Variants in NPSR1 observed in about 807,000 individuals in gnomAD.
NPSR1 encodes the protein neuropeptide S receptor 1, also known as neuropeptide S receptor.
A neutral mutation model predicts 46.9 loss-of-function variants in NPSR1; 48 were observed. That is an observed-to-expected ratio of 1.02 (90% CI 0.81 to 1.30). The LOEUF (loss-of-function observed/expected upper bound fraction) is 1.30, where lower values mean the gene tolerates loss of function less well. Ranked by LOEUF, NPSR1 falls within the 50% of genes most tolerant of loss-of-function variation. The pLI, the probability that NPSR1 is intolerant of heterozygous loss-of-function variation, is 0.00. For synonymous variants in NPSR1, 176 were observed against 168.1 expected, an observed-to-expected ratio of 1.05 and a Z score of -0.36; for missense variants, 450 against 449.5, an observed-to-expected ratio of 1.00 and a Z score of -0.01.
chr7:34,747,052 G>T (rs1015797441), intron 2 of NPSR1, among the ~76,000 whole-genome samples: 1 of 151,186 alleles, frequency 6.6e-6, no homozygotes, highest in African/African-American at 2.4e-5. Flanking sequence ...TTGAACCTGG[G>T]AGGTGGAGGT....
At chr7:34,768,797 G>A (rs768477596) in intron 2 of NPSR1, among the ~76,000 whole-genome samples, 1 of 152,152 alleles carries the variant, frequency 6.6e-6, no homozygotes, top group African/African-American at 2.4e-5. Context: ...CCAAATAATA[G>A]TAAGAATACA....
intron 2 of NPSR1, chr7:34,750,964 T>A: frequency 1.3e-6 from 1 of 764,080 alleles, no homozygotes; most frequent in Non-Finnish European, 2.4e-6. Flanking sequence ...GGAAGGAGAC[T>A]ATAGATTGCA....
At chr7:34,749,767 G>A (rs1233858931) in intron 2 of NPSR1, among the ~76,000 whole-genome samples, 10 of 152,308 alleles carry the variant, frequency 6.6e-5, no homozygotes, top group Middle Eastern at 3.4e-3. Context: ...GAAGGTTTCC[G>A]TCATATTCCA....
At chr7:34,794,212 G>A (rs1788071652) in intron 3 of NPSR1, among the ~76,000 whole-genome samples, 2 of 152,066 alleles carry the variant, frequency 1.3e-5, no homozygotes, top group Non-Finnish European at 2.9e-5. Flanking sequence ...ATAACTTGAA[G>A]AAAGGATTTT....
intron 2 of NPSR1, among the ~76,000 whole-genome samples, chr7:34,731,265 G>A (rs1784405023): frequency 6.6e-6 from 1 of 151,720 alleles, no homozygotes; most frequent in African/African-American, 2.4e-5. Context: ...CTTAATACAA[G>A]AATAAATACA....
At chr7:34,774,143 A>G (rs771454249) in intron 2 of NPSR1, among the ~76,000 whole-genome samples, 34 of 152,176 alleles carry the variant, frequency 2.2e-4, no homozygotes, top group Non-Finnish European at 3.5e-4. Context: ...TTCCTTCTCC[A>G]CTGTCTTCCA....
In NPSR1 at chr7:34,809,236, AT is replaced by A. The variant is rs966419222; in HGVS notation, c.385-2524del. Among the ~76,000 whole-genome samples the A allele has an allele frequency of 1.2e-3, 177 of 149,444 alleles. 1 individual carries two copies. Among genetic ancestry groups the A allele is most frequent in the Middle Eastern group, 3.4e-3 (1 of 290 alleles). ...CCAGTTTTGTCTAAGTAGACGATCG[AT>A]TTTTTTTTTCTTAAAGCTAGTCTTC... On this transcript the variant is annotated intron_variant, in intron 3 of 8. Coordinates refer to ENST00000360581, the MANE Select transcript of NPSR1 (RefSeq NM_207172.2).
intron 2 of NPSR1, among the ~76,000 whole-genome samples, chr7:34,727,250 A>ACC (rs1375079108): frequency 2.6e-5 from 4 of 152,120 alleles, no homozygotes; most frequent in Non-Finnish European, 4.4e-5. Context: ...GATCAAAAGG[A>ACC]GTGGAGGCTA....
chr7:34,697,507 G>A (rs323909), intron 2 of NPSR1, among the ~76,000 whole-genome samples: 18,350 of 151,762 alleles, frequency 0.12, 1,181 homozygotes, highest in Middle Eastern at 0.18. Context: ...AAAATTCGAG[G>A]ATGCTTAAGT....
intron 2 of NPSR1, among the ~76,000 whole-genome samples, chr7:34,717,026 G>C (rs550252627): frequency 1.3e-5 from 2 of 152,086 alleles, no homozygotes; most frequent in African/African-American, 4.8e-5. Context: ...TCACTGCCAG[G>C]GATATTTTAC....
chr7:34,658,566 T>G lies in NPSR1; in HGVS notation c.147+7T>G, dbSNP rs369263037. On this transcript the variant is annotated splice_region_variant and intron_variant, in intron 1 of 8. Coordinates refer to ENST00000360581, the MANE Select transcript of NPSR1 (RefSeq NM_207172.2). ...CTTCTACTACTCCTTTAAGGTAAGT[T>G]TCTTGCCTGCGACTCTGAACACTGA... 27 of 1,613,396 alleles carry G rather than the reference T, an allele frequency of 1.7e-5. No individual in the cohort carries two copies. The highest frequency in any genetic ancestry group is 2.2e-5 in the Non-Finnish European group (26 of 1,179,518).
At chr7:34,791,025 A>T (rs1787798837) in intron 3 of NPSR1, among the ~76,000 whole-genome samples, 1 of 101,686 alleles carries the variant, frequency 9.8e-6, no homozygotes, top group Non-Finnish European at 1.9e-5. Context: ...TATATATGTT[A>T]TATGTTATAT....
Position 34,878,083 on chromosome 7 carries a change from C to CAGGA in NPSR1, c.1033_1034insAGGA (p.Arg345GlnfsTer?). 6.2e-7 allele frequency: 1 copy of CAGGA among 1,604,148 alleles called. No homozygotes were observed. ...GCCTTTCTTCTTTCCCAGGGTCATC[C>CAGGA]GTCTCCGTCAGCTCCAGGAGGCTGC... is the stretch of plus-strand genomic sequence containing the variant. On this transcript the variant is annotated frameshift_variant, in exon 9 of 9. Coordinates refer to the NPSR1 transcript ENST00000359791. LOFTEE classifies it low-confidence loss of function (END_TRUNC).
chr7:34,669,532 A>G (rs12701377), intron 1 of NPSR1, among the ~76,000 whole-genome samples: 82,918 of 150,976 alleles, frequency 0.55, 24,311 homozygotes, highest in African/African-American at 0.76. Context: ...TCACACCATT[A>G]CACTCCAGCC....
intron 6 of NPSR1, among the ~76,000 whole-genome samples, chr7:34,837,269 T>C (rs1349272813): frequency 1.3e-5 from 2 of 152,220 alleles, no homozygotes; most frequent in Admixed American, 1.3e-4. Flanking sequence ...TGTATATATG[T>C]ATATTCATTT....
At chr7:34,665,936 A>G (rs1351773203) in intron 1 of NPSR1, among the ~76,000 whole-genome samples, 1 of 152,198 alleles carries the variant, frequency 6.6e-6, no homozygotes, top group Non-Finnish European at 1.5e-5. Context: ...TACTATTCCT[A>G]GTACAGTGAC....
chr7:34,717,102 T>A (rs747263952), intron 2 of NPSR1, among the ~76,000 whole-genome samples: 8 of 152,204 alleles, frequency 5.3e-5, no homozygotes, highest in Non-Finnish European at 1.0e-4. Context: ...AATACAAAAT[T>A]TCCAGGGAGA....
intron 2 of NPSR1, among the ~76,000 whole-genome samples, chr7:34,725,322 A>C (rs1470227994): frequency 6.6e-6 from 1 of 152,196 alleles, no homozygotes; most frequent in Non-Finnish European, 1.5e-5. Flanking sequence ...TACCCATAAT[A>C]ACATTTATGT....
At chr7:34,667,808 T>C (rs1189037511) in intron 1 of NPSR1, among the ~76,000 whole-genome samples, 2 of 152,070 alleles carry the variant, frequency 1.3e-5, no homozygotes, top group South Asian at 2.1e-4. Flanking sequence ...GCTTGGACTT[T>C]GCACGCTCAG....
Sources: gnomAD v4.1 joint callset for allele counts (sites outside exome capture counted in the v4.1 genomes callset) on GRCh38, gnomAD v4.1.1 for gene constraint, MANE v1.5 for transcripts, NCBI Gene and HGNC (gene_info 2026-07-23, HGNC 2026-07-21) for gene names.